Variants in TRPC6 observed in about 807,000 individuals in gnomAD.
TRPC6 encodes transient receptor potential cation channel subfamily C member 6, also known as short transient receptor potential channel 6.
In TRPC6, 55 loss-of-function variants were observed where a neutral mutation model predicts 90.7. The ratio of observed to expected loss-of-function variants is 0.61; its 90% CI spans 0.49 to 0.76. The LOEUF is 0.76. TRPC6 is among the 30% of genes least tolerant of loss of function. TRPC6 has a pLI of 0.00. For missense variants in TRPC6, 989 were observed against 1,122.7 expected (o/e 0.88, Z 1.70); for synonymous variants, 393 against 393.0 (o/e 1.00, Z 0.00).
chr11:101,479,463 G>T (rs891083889), intron 5 of TRPC6, among the ~76,000 whole-genome samples: 2 of 152,100 alleles, frequency 1.3e-5, no homozygotes, highest in African/African-American at 4.8e-5. Flanking sequence ...CATCAGTTTT[G>T]TCATTTAACC....
At chr11:101,487,322 G>T (rs1443350808) in intron 4 of TRPC6, among the ~76,000 whole-genome samples, 4 of 152,082 alleles carry the variant, frequency 2.6e-5, no homozygotes. Context: ...AGGAGAAGAA[G>T]AACAAAGAGA....
At chr11:101,583,208 A>G (rs968810738) in intron 1 of TRPC6, 126 bp downstream of exon 1, 5 of 1,441,620 alleles carry the variant, frequency 3.5e-6, no homozygotes, top group Non-Finnish European at 3.6e-6. Flanking sequence ...CGGACCTCCC[A>G]GCACCGTCCT....
At chr11:101,515,895 G>C (rs947740446) in intron 1 of TRPC6, among the ~76,000 whole-genome samples, 8 of 151,990 alleles carry the variant, frequency 5.3e-5, no homozygotes, top group African/African-American at 1.9e-4. Flanking sequence ...AAGGCTAGGA[G>C]GATGGAAATT....
At chr11:101,484,811 C>T (rs1207268931) in intron 4 of TRPC6, among the ~76,000 whole-genome samples, 1 of 151,924 alleles carries the variant, frequency 6.6e-6, no homozygotes, top group African/African-American at 2.4e-5. Context: ...TACGTAATAT[C>T]ATGTAAATGC....
Position 101,452,983 on chromosome 11 carries a change from T to C in TRPC6, c.2768A>G (p.Glu923Gly). The change falls in exon 13 of 13, where the codon GAA becomes GGA. Residue 923 changes from glutamate (E) to glycine (G), a missense_variant. Around this residue, in one of 4 missense-constraint regions of TRPC6, gnomAD observed 191 missense variants for 196.7 expected, o/e 0.97. Transcript: ENST00000344327. ...IRELGEKLSM[E>G]PNQEETNR is the part of the protein sequence containing the mutation. ...TCTATTGGTTTCCTCTTGATTTGGT[T>C]CCATGGATAATTTCTCTCCAAGTTC... 6.2e-7 allele frequency: 1 copy of C among 1,613,958 alleles called. No homozygotes were observed. Among genetic ancestry groups the C allele is most frequent in the Non-Finnish European group, 8.5e-7 (1 of 1,179,880 alleles).
chr11:101,452,937 T>C lies in TRPC6; in HGVS notation c.*18A>G. 1 of 1,613,418 alleles carries C rather than the reference T, an allele frequency of 6.2e-7. No individual in the cohort carries two copies. The highest frequency in any genetic ancestry group is 8.5e-7 in the Non-Finnish European group (1 of 1,179,472). On this transcript the variant is annotated 3_prime_UTR_variant, in exon 13 of 13. Transcript: ENST00000344327. ...TCAAGTGGACAAATAAATATGAATTTCTAAGGAAGTCTTCGCATTATCTAT... is the reference window on the plus strand; with the variant it reads ...TCAAGTGGACAAATAAATATGAATTCCTAAGGAAGTCTTCGCATTATCTAT...
chr11:101,493,316 C>G (rs931637657), intron 2 of TRPC6, among the ~76,000 whole-genome samples: 19 of 152,254 alleles, frequency 1.2e-4, no homozygotes, highest in African/African-American at 4.6e-4. Context: ...TTGTGTTGAG[C>G]TGTGTTCAAA....
intron 1 of TRPC6, among the ~76,000 whole-genome samples, chr11:101,556,643 C>T (rs1015846198): frequency 9.2e-5 from 14 of 152,206 alleles, no homozygotes; most frequent in African/African-American, 3.4e-4. Context: ...AGAAATAATA[C>T]CAGTCCTTTT....
At chr11:101,457,499 G>T (rs1858911104) in intron 10 of TRPC6, among the ~76,000 whole-genome samples, 1 of 152,128 alleles carries the variant, frequency 6.6e-6, no homozygotes, top group Non-Finnish European at 1.5e-5. Context: ...ACAGTTCATG[G>T]AGTCACCTAT....
chr11:101,476,638 C>T, intron 5 of TRPC6, 104 bp from the exon 6 acceptor site: 1 of 1,106,792 alleles, frequency 9.0e-7, no homozygotes, highest in Non-Finnish European at 1.3e-6. Flanking sequence ...TTACAAAACC[C>T]TTCAAAATTT....
At chr11:101,521,923 C>A (rs117286940) in intron 1 of TRPC6, among the ~76,000 whole-genome samples, 1 of 152,188 alleles carries the variant, frequency 6.6e-6, no homozygotes, top group African/African-American at 2.4e-5. Flanking sequence ...AATGCCTGTA[C>A]CCCTGTCGCA....
At chr11:101,513,297 T>G (rs970935743) in intron 1 of TRPC6, among the ~76,000 whole-genome samples, 3 of 152,162 alleles carry the variant, frequency 2.0e-5, no homozygotes, top group Admixed American at 1.3e-4. Context: ...TCTGCATTGG[T>G]GCTATTCCAC....
intron 1 of TRPC6, among the ~76,000 whole-genome samples, chr11:101,553,284 C>T (rs1179324815): frequency 6.6e-6 from 1 of 152,060 alleles, no homozygotes; most frequent in East Asian, 1.9e-4. Flanking sequence ...TTCCTGTAAC[C>T]TATCCCATCT....
At position 101,483,149 on chromosome 11, in the gene TRPC6, C is replaced by T. The variant is rs199503731; in HGVS notation, c.1310G>A (p.Arg437His). The T allele has an allele frequency of 9.9e-6, 16 of 1,613,942 alleles. No individual in the cohort carries two copies. The highest frequency in any genetic ancestry group is 1.7e-5 in the Admixed American group (1 of 60,000). ...TGCTACAAACTTCATGAATGGTCCACGCATTATCTTCCCCATCTGCCACAA... is the reference window on the plus strand; with the variant it reads ...TGCTACAAACTTCATGAATGGTCCATGCATTATCTTCCCCATCTGCCACAA... ...APCSKMGKIM[R>H]GPFMKFVAHA... The change falls in exon 5 of 13, where the codon CGT becomes CAT. Residue 437 changes from arginine to histidine, a missense_variant. Around this residue, in one of 4 missense-constraint regions of TRPC6, gnomAD observed 486 missense variants for 591.9 expected, o/e 0.82. Transcript: ENST00000344327.
chr11:101,479,133 A>G (rs919287215), intron 5 of TRPC6, among the ~76,000 whole-genome samples: 1 of 151,992 alleles, frequency 6.6e-6, no homozygotes, highest in East Asian at 1.9e-4. Context: ...AGAACCACTC[A>G]CTCTCCTAAC....
In TRPC6 at chr11:101,494,393, C is replaced by T. The variant is rs1024643408; in HGVS notation, c.946-2655G>A. Among the ~76,000 whole-genome samples, 3 of 152,186 alleles carry T rather than the reference C, an allele frequency of 2.0e-5. No individual in the cohort carries two copies. The Middle Eastern group carries it at 0.01, about 518-fold the overall frequency. On this transcript the variant is annotated intron_variant, in intron 2 of 12. Coordinates refer to ENST00000344327, the MANE Select transcript of TRPC6 (RefSeq NM_004621.6). ...TTAAAGAGATTATGCATGCCAAGGA[C>T]TTAGCAAGGTTGTGAGCATTTAGCA... is the stretch of plus-strand genomic sequence containing the variant.
chr11:101,494,075 A>T (rs552748982), intron 2 of TRPC6, among the ~76,000 whole-genome samples: 1 of 152,318 alleles, frequency 6.6e-6, no homozygotes, highest in South Asian at 2.1e-4. Flanking sequence ...CTGGGCAGAT[A>T]GCATCTAGAG....
intron 3 of TRPC6, 92 bp downstream of exon 3, chr11:101,491,464 T>C (rs967469272): frequency 5.5e-6 from 8 of 1,457,056 alleles, no homozygotes; most frequent in African/African-American, 2.9e-5. Flanking sequence ...GAAAAGAAAA[T>C]CCCAGCTTAA....
rs546657205 is a variant in TRPC6, at chr11:101,568,205, G to A, written c.170+15129C>T. Among the ~76,000 whole-genome samples the A allele has an allele frequency of 1.1e-4, 16 of 152,280 alleles. No individual in the cohort carries two copies. The South Asian group carries it at 1.2e-3, about 12-fold the overall frequency. On this transcript the variant is annotated intron_variant, in intron 1 of 12. Transcript: ENST00000344327. Reference sequence around the variant, plus strand: ...CTGATGGAGCTGAAAAACACAGCACGAGAACTTCGTGAAGCATGCACAAGT... The same window carrying A: ...CTGATGGAGCTGAAAAACACAGCACAAGAACTTCGTGAAGCATGCACAAGT...
Sources: gnomAD v4.1 joint callset for allele counts (sites outside exome capture counted in the v4.1 genomes callset) on GRCh38, gnomAD v4.1.1 for gene constraint, gnomAD v4.1.1 regional missense constraint, MANE v1.5 for transcripts, NCBI Gene and HGNC (gene_info 2026-07-23, HGNC 2026-07-21) for gene names.